Variants in HACD3 observed in about 807,000 individuals in gnomAD.
The protein encoded by HACD3 is 3-hydroxyacyl-CoA dehydratase 3.
In HACD3, 30 loss-of-function variants were observed where a neutral mutation model predicts 55.2. The observed-to-expected ratio is 0.54, with a 90% CI of 0.41 to 0.74. The LOEUF is 0.74. HACD3 is among the 30% of genes least tolerant of loss of function. HACD3 has a pLI of 0.00. For synonymous variants in HACD3, 141 were observed against 151.7 expected (o/e 0.93, Z 0.52); for missense variants, 363 against 440.1 (o/e 0.82, Z 1.57).
chr15:65,552,445 C>T (rs762126303), intron 2 of HACD3, among the ~76,000 whole-genome samples: 35 of 152,244 alleles, frequency 2.3e-4, no homozygotes, highest in Non-Finnish European at 3.4e-4. Context: ...AAGTGATTCT[C>T]GTGCCTCAGT....
At position 65,576,361 on chromosome 15, in the gene HACD3, AAAG is replaced by A. The variant is rs776933487; in HGVS notation, c.1074_1076del (p.Lys360del). 1.9e-6 allele frequency: 3 copies of A among 1,601,330 alleles called. No homozygotes were observed. In the East Asian group the frequency reaches 6.7e-5, roughly 36 times the overall value. ...AGCGCAGACGGCGCTATGGACAAAA[AAAG>A]AAAAAGATCCACTAAAAAGAAAGAT... On this transcript the variant is annotated inframe_deletion, in exon 11 of 11. Coordinates refer to ENST00000261875, the MANE Select transcript of HACD3 (RefSeq NM_016395.4).
At chr15:65,553,287 G>A (rs978035658) in intron 2 of HACD3, 1 of 151,660 alleles carries the variant, frequency 6.6e-6, no homozygotes, top group African/African-American at 2.4e-5. Context: ...GTGGCTCCCT[G>A]ATACTAGATT....
intron 1 of HACD3, among the ~76,000 whole-genome samples, chr15:65,540,557 T>A (rs1393741190): frequency 6.6e-6 from 1 of 152,086 alleles, no homozygotes; most frequent in Non-Finnish European, 1.5e-5. Flanking sequence ...GTCCACAGAC[T>A]TAGAGGCAGG....
intron 7 of HACD3, chr15:65,565,025 G>T (rs2072278076): frequency 6.6e-6 from 1 of 152,204 alleles, no homozygotes; most frequent in Admixed American, 6.5e-5. Flanking sequence ...AAATAAAGGG[G>T]TTACAGTGCC....
chr15:65,554,291 A>T (rs1475264764), intron 2 of HACD3, among the ~76,000 whole-genome samples: 3 of 152,210 alleles, frequency 2.0e-5, no homozygotes, highest in Non-Finnish European at 2.9e-5. Context: ...GTGGGGTATC[A>T]TCAGGGTCAC....
At chr15:65,538,293 T>G (rs2071984624) in intron 1 of HACD3, among the ~76,000 whole-genome samples, 1 of 152,102 alleles carries the variant, frequency 6.6e-6, no homozygotes, top group African/African-American at 2.4e-5. Context: ...CATTTGTGAT[T>G]CATAGGAAGA....
In HACD3 at chr15:65,564,219, CT is replaced by C. The variant is rs762715325; in HGVS notation, c.541del (p.Tyr181MetfsTer10). ...VRFCILGKES[F>X]YDTFHTVADM... ...AATGTATATTTTTGCCTATAGAGTC[CT>C]TTTATGACACATTCCATACTGTGGC... On this transcript the variant is annotated frameshift_variant, in exon 7 of 11. Coordinates refer to ENST00000261875, the MANE Select transcript of HACD3 (RefSeq NM_016395.4). LOFTEE classifies it high-confidence loss of function. The C allele has an allele frequency of 7.4e-6, 12 of 1,612,958 alleles. No homozygotes were observed. Among genetic ancestry groups the C allele is most frequent in the Non-Finnish European group, 5.1e-6 (6 of 1,179,474 alleles).
intron 1 of HACD3, among the ~76,000 whole-genome samples, chr15:65,547,090 G>C (rs1468586865): frequency 6.6e-6 from 1 of 152,110 alleles, no homozygotes; most frequent in Non-Finnish European, 1.5e-5. Context: ...TTTCTGCCCA[G>C]GGAAGCCCGT....
chr15:65,564,376 G>A, intron 7 of HACD3, 34 bp downstream of exon 7: 2 of 1,603,450 alleles, frequency 1.2e-6, no homozygotes, highest in Non-Finnish European at 1.7e-6. Context: ...GTGGGTAATG[G>A]AAGGTCCCAT....
intron 1 of HACD3, among the ~76,000 whole-genome samples, chr15:65,545,610 A>AT (rs71139415): frequency 1.7e-4 from 25 of 143,292 alleles, no homozygotes; most frequent in African/African-American, 3.8e-4. Flanking sequence ...GGCCCGGCTA[A>AT]TTTTTTTTTT....
At chr15:65,571,466 A>G in intron 8 of HACD3, 82 bp from the exon 9 acceptor site, 1 of 993,584 alleles carries the variant, frequency 1.0e-6, no homozygotes, top group Non-Finnish European at 1.5e-6. Context: ...GAGAAATAGA[A>G]TTCTTCTATT....
Position 65,577,960 on chromosome 15 carries a change from G to GAATT in HACD3, c.*1582_*1585dup, listed in dbSNP as rs2072425336. 6.6e-6 allele frequency: 1 copy of GAATT among 152,580 alleles called. No homozygotes were observed. Among genetic ancestry groups the GAATT allele is most frequent in the Non-Finnish European group, 1.5e-5 (1 of 68,024 alleles). The allele number at this position is 152,580 out of a possible 1,614,324, so 9.5% of individuals were successfully genotyped here. A position where few individuals can be genotyped will look rare whatever the true frequency, so the allele number is the denominator to read the frequency against. ...GTGTTGGAGTAACACTTGCATAAAA[G>GAATT]AATTTAAGGAGTGATAGCTCTTTCT... On this transcript the variant is annotated 3_prime_UTR_variant, in exon 11 of 11. Transcript: ENST00000261875.
chr15:65,574,125 A>G (rs892406610), intron 10 of HACD3: 2 of 152,214 alleles, frequency 1.3e-5, no homozygotes, highest in Non-Finnish European at 2.9e-5. Context: ...GCTGAAAACA[A>G]TAAATAGTTA....
At chr15:65,537,948 AAAAAAAAAAAATATATAT>A (rs1197792906) in intron 1 of HACD3, among the ~76,000 whole-genome samples, 22 of 68,014 alleles carry the variant, frequency 3.2e-4, no homozygotes, top group East Asian at 2.0e-3. Flanking sequence ...AAAAAAAAAA[AAAAAAAAAAAATATATAT>A]ATATATATAT....
At chr15:65,542,464 A>C (rs1596205834) in intron 1 of HACD3, among the ~76,000 whole-genome samples, 2 of 151,992 alleles carry the variant, frequency 1.3e-5, no homozygotes, top group East Asian at 3.9e-4. Context: ...GGGTTTCACC[A>C]TGTTGCCCAG....
chr15:65,561,925 A>C (rs1470919317), intron 5 of HACD3, among the ~76,000 whole-genome samples: 1 of 152,218 alleles, frequency 6.6e-6, no homozygotes, highest in Non-Finnish European at 1.5e-5. Flanking sequence ...CACAGAACTC[A>C]GGGAAACACA....
At position 65,555,679 on chromosome 15, in the gene HACD3, A is replaced by C. The variant is rs142993903; in HGVS notation, c.204+719A>C. ...TTCCTTTGGAGAAAAGGGACAGGACATGTAGACAAACAATGAGCTGGAATG... is the reference window on the plus strand; with the variant it reads ...TTCCTTTGGAGAAAAGGGACAGGACCTGTAGACAAACAATGAGCTGGAATG... On this transcript the variant is annotated intron_variant, in intron 3 of 10. Coordinates refer to ENST00000261875, the MANE Select transcript of HACD3 (RefSeq NM_016395.4). 8.8e-4 allele frequency among the ~76,000 whole-genome samples: 134 copies of C among 152,330 alleles called. 1 individual carries two copies. The highest frequency in any genetic ancestry group is 5.4e-3 in the South Asian group (26 of 4,826).
At chr15:65,541,048 A>G (rs1253792705) in intron 1 of HACD3, among the ~76,000 whole-genome samples, 1 of 152,208 alleles carries the variant, frequency 6.6e-6, no homozygotes, top group East Asian at 1.9e-4. Context: ...GACAACTGAA[A>G]TGATTAAGAC....
At chr15:65,563,034 T>C (rs2072258872) in intron 6 of HACD3, 150 bp downstream of exon 6, 5 of 1,244,028 alleles carry the variant, frequency 4.0e-6, no homozygotes, top group Non-Finnish European at 1.1e-6. Context: ...ATAGCTCTTA[T>C]TTCCCATGGC....
Sources: gnomAD v4.1 joint callset for allele counts (sites outside exome capture counted in the v4.1 genomes callset) on GRCh38, gnomAD v4.1.1 for gene constraint, MANE v1.5 for transcripts, NCBI Gene and HGNC (gene_info 2026-07-23, HGNC 2026-07-21) for gene names.